KIF16B: variants seen among roughly 807,000 people sequenced by gnomAD.
KIF16B encodes the protein kinesin family member 16B, also known as kinesin-like protein KIF16B.
KIF16B carries 98 observed loss-of-function variants against 156.3 expected under a neutral mutation model. The ratio of observed to expected loss-of-function variants is 0.63; its 90% CI spans 0.53 to 0.74. The LOEUF is 0.74. KIF16B is among the 30% of genes least tolerant of loss of function. The probability of loss-of-function intolerance (pLI) is 0.00; values close to 1 mark genes in which losing one functional copy is unlikely to be tolerated. For missense variants in KIF16B, 1,421 were observed against 1,606.5 expected, an observed-to-expected ratio of 0.88 and a Z score of 1.97; for synonymous variants, 564 against 583.7, an observed-to-expected ratio of 0.97 and a Z score of 0.49.
intron 15 of KIF16B, among the ~76,000 whole-genome samples, chr20:16,413,173 C>G (rs1811700086): frequency 6.6e-6 from 1 of 152,060 alleles, no homozygotes; most frequent in African/African-American, 2.4e-5. Flanking sequence ...GCAAGCATTT[C>G]TAAACCTCCT....
chr20:16,280,841 C>CGCGCGCGTGTGTGTGTGTGT (rs112026824), intron 25 of KIF16B, among the ~76,000 whole-genome samples: 2 of 74,434 alleles, frequency 2.7e-5, no homozygotes, highest in African/African-American at 1.0e-4. Context: ...TGCGCGCGCA[C>CGCGCGCGTGTGTGTGTGTGT]GTGTGTGTGT....
intron 12 of KIF16B, among the ~76,000 whole-genome samples, chr20:16,475,286 C>T (rs531960006): frequency 2.0e-5 from 3 of 152,088 alleles, no homozygotes; most frequent in African/African-American, 4.8e-5. Context: ...CATAACAACC[C>T]GATGAGTTAG....
At chr20:16,454,958 C>T (rs2067176724) in intron 12 of KIF16B, among the ~76,000 whole-genome samples, 1 of 152,172 alleles carries the variant, frequency 6.6e-6, no homozygotes, top group Non-Finnish European at 1.5e-5. Flanking sequence ...ACATCTTATT[C>T]TGGCAGAAAG....
At chr20:16,568,458 A>G (rs1388405087) in intron 1 of KIF16B, among the ~76,000 whole-genome samples, 2 of 152,210 alleles carry the variant, frequency 1.3e-5, no homozygotes, top group African/African-American at 2.4e-5. Context: ...GCTGAATGCC[A>G]GGCTCTGTGT....
chr20:16,446,815 T>C (rs891764468), intron 12 of KIF16B, among the ~76,000 whole-genome samples: 2 of 152,224 alleles, frequency 1.3e-5, no homozygotes, highest in African/African-American at 4.8e-5. Flanking sequence ...TAGGTCGAAT[T>C]GTGAATTTCT....
intron 22 of KIF16B, chr20:16,367,344 G>C: frequency 6.2e-7 from 1 of 1,612,886 alleles, no homozygotes; most frequent in Non-Finnish European, 8.5e-7. Context: ...TCTGTAAGAA[G>C]ACTAGTTCTA....
At chr20:16,310,633 GA>G (rs1164866201) in intron 25 of KIF16B, among the ~76,000 whole-genome samples, 1 of 152,218 alleles carries the variant, frequency 6.6e-6, no homozygotes, top group Non-Finnish European at 1.5e-5. Context: ...AGGCAGGGAA[GA>G]GTTAGGTAAA....
intron 4 of KIF16B, among the ~76,000 whole-genome samples, 180 bp from the exon 5 acceptor site, chr20:16,513,103 T>C (rs1199748349): frequency 6.6e-6 from 1 of 152,220 alleles, no homozygotes; most frequent in Non-Finnish European, 1.5e-5. Context: ...ATGAGATGAT[T>C]GAGCCTTCTG....
At chr20:16,426,662 T>C (rs553002005) in intron 15 of KIF16B, among the ~76,000 whole-genome samples, 2 of 152,222 alleles carry the variant, frequency 1.3e-5, no homozygotes, top group South Asian at 4.1e-4. Flanking sequence ...TTGGTACTAT[T>C]CTTGCAACTT....
At chr20:16,351,464 T>G (rs958202868) in intron 23 of KIF16B, among the ~76,000 whole-genome samples, 1 of 152,228 alleles carries the variant, frequency 6.6e-6, no homozygotes, top group Non-Finnish European at 1.5e-5. Context: ...CTGAGAGGCA[T>G]GCGAAGCGGG....
intron 12 of KIF16B, 39 bp downstream of exon 12, chr20:16,494,252 C>G (rs2068381658): frequency 8.0e-7 from 1 of 1,245,290 alleles, no homozygotes; most frequent in South Asian, 1.3e-5. Context: ...CCAGTTTAAT[C>G]CACCATAGTA....
rs543567114 is a variant in KIF16B, at chr20:16,481,980, G to A, written c.1302+12311C>T. ...GATTACTGTCTGCATCTTACAGTGA[G>A]GTTCTGGGGAACAGAAAGTGACCTG... On this transcript the variant is annotated intron_variant, in intron 12 of 25. Transcript: ENST00000354981. Among the ~76,000 whole-genome samples, 5 of 152,252 alleles carry A rather than the reference G, an allele frequency of 3.3e-5. No individual in the cohort carries two copies. In the South Asian group the frequency reaches 1.0e-3, roughly 32 times the overall value.
chr20:16,342,687 A>G (rs1032322526), intron 23 of KIF16B, among the ~76,000 whole-genome samples: 12 of 152,224 alleles, frequency 7.9e-5, no homozygotes, highest in Admixed American at 2.0e-4. Context: ...TGAGATTTTC[A>G]CCTGAATTCA....
chr20:16,552,831 G>T (rs1237230455), intron 1 of KIF16B, among the ~76,000 whole-genome samples: 1 of 151,982 alleles, frequency 6.6e-6, no homozygotes, highest in African/African-American at 2.4e-5. Context: ...GAGTGCAGTG[G>T]TGTGATCTTG....
At chr20:16,509,935 C>T (rs567491185) in intron 6 of KIF16B, among the ~76,000 whole-genome samples, 4 of 152,168 alleles carry the variant, frequency 2.6e-5, no homozygotes, top group South Asian at 2.1e-4. Context: ...AATTAACCCA[C>T]GGATTTTTAT....
intron 23 of KIF16B, among the ~76,000 whole-genome samples, chr20:16,349,359 C>G (rs1234262191): frequency 6.6e-6 from 1 of 152,174 alleles, no homozygotes; most frequent in Non-Finnish European, 1.5e-5. Context: ...CAGTTGGACT[C>G]TGAGCATCCC....
At position 16,406,471 on chromosome 20, in the gene KIF16B, A is replaced by C; in HGVS notation, c.1613-15T>G. 9 of 1,611,664 alleles carry C rather than the reference A, an allele frequency of 5.6e-6. No individual in the cohort carries two copies. The highest frequency in any genetic ancestry group is 6.8e-6 in the Non-Finnish European group (8 of 1,177,970). ...AATCACAGCACCTGAAAACACACAA[A>C]AACAGTAATGAATTTACAGTAAGCA... On this transcript the variant is annotated splice_polypyrimidine_tract_variant and intron_variant, in intron 15 of 25. Transcript: ENST00000354981.
At chr20:16,346,455 T>C (rs1226587497) in intron 23 of KIF16B, among the ~76,000 whole-genome samples, 1 of 152,128 alleles carries the variant, frequency 6.6e-6, no homozygotes, top group Non-Finnish European at 1.5e-5. Flanking sequence ...GCCTCAGGCT[T>C]GTGAACCTGG....
At chr20:16,350,525 C>T (rs1395279802) in intron 23 of KIF16B, among the ~76,000 whole-genome samples, 1 of 151,948 alleles carries the variant, frequency 6.6e-6, no homozygotes, top group Non-Finnish European at 1.5e-5. Flanking sequence ...GAGGGTGGTG[C>T]TGAGAAGGCG....
Sources: gnomAD v4.1 joint callset for allele counts (sites outside exome capture counted in the v4.1 genomes callset) on GRCh38, gnomAD v4.1.1 for gene constraint, MANE v1.5 for transcripts, NCBI Gene and HGNC (gene_info 2026-07-23, HGNC 2026-07-21) for gene names.